The following EVA1A variants were observed in gnomAD, a reference collection of about 807,000 sequenced individuals.
EVA1A encodes the protein protein eva-1 homolog A.
In EVA1A, 7 loss-of-function variants were observed where a neutral mutation model predicts 9.8. The observed-to-expected ratio is 0.71, with a 90% CI of 0.41 to 1.34. EVA1A has a LOEUF of 1.34. Ranked by LOEUF, EVA1A falls within the 40% of genes most tolerant of loss-of-function variation. The probability of loss-of-function intolerance (pLI) is 0.01; values close to 1 mark genes in which losing one functional copy is unlikely to be tolerated. For missense variants in EVA1A, 206 were observed against 205.9 expected, an observed-to-expected ratio of 1.00 and a Z score of 0.00; for synonymous variants, 90 against 85.6, an observed-to-expected ratio of 1.05 and a Z score of -0.28.
intron 1 of EVA1A, among the ~76,000 whole-genome samples, chr2:75,523,489 A>G (rs1675302727): frequency 6.6e-6 from 1 of 152,170 alleles, no homozygotes; most frequent in African/African-American, 2.4e-5. Context: ...GAGGATACAC[A>G]TGGCCCCAGA....
chr2:75,512,997 A>C (rs1054677630), intron 3 of EVA1A, among the ~76,000 whole-genome samples: 21 of 152,292 alleles, frequency 1.4e-4, no homozygotes, highest in African/African-American at 5.1e-4. Flanking sequence ...AGTCCTGGCC[A>C]ATGAAATCTG....
upstream of EVA1A, among the ~76,000 whole-genome samples, chr2:75,565,378 A>C (rs1279158524): frequency 6.6e-6 from 1 of 152,216 alleles, no homozygotes; most frequent in Non-Finnish European, 1.5e-5. Flanking sequence ...TAAGGAGCTC[A>C]GTCTAGTAAT....
intron 3 of EVA1A, among the ~76,000 whole-genome samples, chr2:75,508,564 C>T (rs1011100809): frequency 1.1e-4 from 17 of 152,130 alleles, no homozygotes; most frequent in African/African-American, 4.1e-4. Context: ...GTACCCGAAA[C>T]TTCATTAGCA....
intron 3 of EVA1A, among the ~76,000 whole-genome samples, chr2:75,511,623 A>C (rs1444754973): frequency 2.6e-5 from 4 of 152,174 alleles, no homozygotes; most frequent in Non-Finnish European, 2.9e-5. Context: ...GAACTCTGGA[A>C]GGATGCATAA....
At chr2:75,533,476 A>G (rs6547007) in intron 1 of EVA1A, among the ~76,000 whole-genome samples, 68,957 of 152,044 alleles carry the variant, frequency 0.45, 18,043 homozygotes, top group African/African-American at 0.73. Flanking sequence ...AAGAATTACT[A>G]AAGTCCTCTA....
chr2:75,496,505 CA>C (rs1486193794), intron 3 of EVA1A, among the ~76,000 whole-genome samples: 3 of 152,112 alleles, frequency 2.0e-5, no homozygotes, highest in African/African-American at 7.2e-5. Context: ...ACAAGAATTA[CA>C]AAACACTGCT....
At chr2:75,538,925 A>T (rs1186165700) in intron 1 of EVA1A, among the ~76,000 whole-genome samples, 1 of 152,194 alleles carries the variant, frequency 6.6e-6, no homozygotes, top group African/African-American at 2.4e-5. Context: ...CTGTATCTTG[A>T]CTGTATCAAT....
chr2:75,501,465 G>T (rs1001838858), intron 3 of EVA1A, among the ~76,000 whole-genome samples: 1 of 152,192 alleles, frequency 6.6e-6, no homozygotes, highest in Non-Finnish European at 1.5e-5. Flanking sequence ...AGAATTTAAA[G>T]TAATCCTTCA....
At chr2:75,526,714 G>C (rs1393729830) in intron 1 of EVA1A, among the ~76,000 whole-genome samples, 1 of 152,254 alleles carries the variant, frequency 6.6e-6, no homozygotes, top group Non-Finnish European at 1.5e-5. Context: ...CAAAGGGATA[G>C]GCAGAGAAAT....
intron 2 of EVA1A, among the ~76,000 whole-genome samples, chr2:75,520,799 G>A (rs1675204498): frequency 6.6e-6 from 1 of 151,982 alleles, no homozygotes; most frequent in African/African-American, 2.4e-5. Flanking sequence ...ATGATTTCTT[G>A]GATATGACAC....
Position 75,492,924 on chromosome 2 carries a change from G to C in EVA1A, c.*312C>G, listed in dbSNP as rs953947089. On this transcript the variant is annotated 3_prime_UTR_variant, in exon 4 of 4. Transcript: ENST00000393913. ...ATAACACAGAGCAAGGAAGTCTGCT[G>C]AAACTTCTGAGATCCTCAGAAATCA... 70 of 357,632 alleles carry C rather than the reference G, an allele frequency of 2.0e-4. No individual in the cohort carries two copies. Among genetic ancestry groups the C allele is most frequent in the African/African-American group, 1.4e-3 (68 of 47,752 alleles). 22.2% of individuals were successfully genotyped at this position (357,632 alleles called of 1,614,324 possible). A position where few individuals can be genotyped will look rare whatever the true frequency, so the allele number is the denominator to read the frequency against.
chr2:75,509,705 C>A (rs986435117), intron 3 of EVA1A, among the ~76,000 whole-genome samples: 1 of 152,030 alleles, frequency 6.6e-6, no homozygotes, highest in African/African-American at 2.4e-5. Flanking sequence ...GTTAGAAATA[C>A]AAATTCTCAG....
In EVA1A at chr2:75,534,940, G is replaced by C. The variant is rs185384445; in HGVS notation, c.-191-12453C>G. Reference sequence around the variant, plus strand: ...AATTTTTGTACATGGTGAGAGATAGGGATCCAGTTTAATTCTTCTACATGT... The same window carrying C: ...AATTTTTGTACATGGTGAGAGATAGCGATCCAGTTTAATTCTTCTACATGT... On this transcript the variant is annotated intron_variant, in intron 1 of 3. Coordinates refer to ENST00000393913, the MANE Select transcript of EVA1A (RefSeq NM_001135032.2). Among the ~76,000 whole-genome samples, 193 of 152,042 alleles carry C rather than the reference G, an allele frequency of 1.3e-3. 2 individuals are homozygous for C. The East Asian group carries it at 0.015, about 12-fold the overall frequency.
chr2:75,529,202 C>G (rs527483952), intron 1 of EVA1A, among the ~76,000 whole-genome samples: 1 of 152,174 alleles, frequency 6.6e-6, no homozygotes, highest in South Asian at 2.1e-4. Context: ...CTAACACTAA[C>G]CTTAAATATA....
chr2:75,533,017 C>T (rs1171429290), intron 1 of EVA1A, among the ~76,000 whole-genome samples: 1 of 151,722 alleles, frequency 6.6e-6, no homozygotes, highest in Non-Finnish European at 1.5e-5. Flanking sequence ...GTGGCATGCA[C>T]CTGTGGGTCC....
intron 1 of EVA1A, among the ~76,000 whole-genome samples, chr2:75,551,115 C>T (rs968818974): frequency 6.6e-6 from 1 of 152,068 alleles, no homozygotes; most frequent in South Asian, 2.1e-4. Flanking sequence ...GAGCAAGACT[C>T]TGCTCAAAAA....
In EVA1A at chr2:75,493,024, C is replaced by A; in HGVS notation, c.*212G>T. The stretch of plus-strand genomic sequence containing the variant: ...GGATTTTTCAGCACCATTCCGAGAC[C>A]TGGAAAGGGTGATGAACTGCTTTGA... On this transcript the variant is annotated 3_prime_UTR_variant, in exon 4 of 4. Coordinates refer to ENST00000393913, the MANE Select transcript of EVA1A (RefSeq NM_001135032.2). The A allele has an allele frequency of 1.5e-6, 1 of 657,234 alleles. No homozygotes were observed. Among genetic ancestry groups the A allele is most frequent in the South Asian group, 2.2e-5 (1 of 46,448 alleles). The allele number at this position is 657,234 out of a possible 1,614,324, so 40.7% of individuals were successfully genotyped here.
At chr2:75,534,572 C>T (rs191436869) in intron 1 of EVA1A, among the ~76,000 whole-genome samples, 2,332 of 151,802 alleles carry the variant, frequency 0.015, 55 homozygotes, top group African/African-American at 0.054. Context: ...AACATCAGCC[C>T]TAACATCTCA....
chr2:75,558,598 G>A (rs1252934580), intron 1 of EVA1A: 1 of 152,248 alleles, frequency 6.6e-6, no homozygotes, highest in East Asian at 1.9e-4. Context: ...ATGGTCTGTA[G>A]GAACTGAAGA....
Sources: allele counts gnomAD v4.1 joint callset (sites outside exome capture counted in the v4.1 genomes callset), GRCh38; gene constraint gnomAD v4.1.1; transcripts MANE v1.5; gene names NCBI Gene and HGNC (gene_info 2026-07-23, HGNC 2026-07-21).